LIMS4: variants seen among roughly 807,000 people sequenced by gnomAD.
LIMS4 encodes LIM zinc finger domain containing 4.
the LIMS4 span, among the ~76,000 whole-genome samples, chr2:110,382,135 A>T: frequency 8.4e-6 from 1 of 118,856 alleles, no homozygotes; most frequent in African/African-American, 3.9e-5. Context: ...ATATATATAT[A>T]TATATATATA....
At chr2:110,379,210 GCTT>G in the LIMS4 span, among the ~76,000 whole-genome samples, 2 of 150,814 alleles carry the variant, frequency 1.3e-5, no homozygotes, top group Non-Finnish European at 3.0e-5. Context: ...TTGGTTGGTT[GCTT>G]GCTTGCTTGC....
the LIMS4 span, chr2:110,383,171 G>C: frequency 8.5e-5 from 2 of 23,588 alleles, no homozygotes; most frequent in African/African-American, 6.3e-4. Context: ...CTCTGCTTGA[G>C]ACCCTCAATG....
the LIMS4 span, among the ~76,000 whole-genome samples, chr2:110,391,117 G>A: frequency 6.9e-6 from 1 of 145,352 alleles, no homozygotes; most frequent in African/African-American, 2.6e-5. Context: ...TAGAAAGGGG[G>A]ACAGCGTGGC....
At chr2:110,390,347 A>C in the LIMS4 span, among the ~76,000 whole-genome samples, 1 of 134,266 alleles carries the variant, frequency 7.4e-6, no homozygotes, top group Non-Finnish European at 1.5e-5. Context: ...AGCCGGGGCC[A>C]CCTCCCTGGA....
the LIMS4 span, chr2:110,375,169 AT>A: frequency 1.4e-5 from 1 of 73,448 alleles, no homozygotes; most frequent in East Asian, 4.4e-4. Context: ...AAAAAATTTT[AT>A]TGTGAAAATT....
At chr2:110,365,790 A>G in the LIMS4 span, among the ~76,000 whole-genome samples, 1 of 140,468 alleles carries the variant, frequency 7.1e-6, no homozygotes, top group African/African-American at 2.9e-5. Context: ...TAACTAGACT[A>G]ACAGCAGAAG....
At chr2:110,425,155 C>T in the LIMS4 span, among the ~76,000 whole-genome samples, 1 of 143,616 alleles carries the variant, frequency 7.0e-6, no homozygotes, top group Non-Finnish European at 1.5e-5. Flanking sequence ...GGAACCAACT[C>T]CAGACACAAG....
At chr2:110,418,758 G>A in the LIMS4 span, among the ~76,000 whole-genome samples, 5 of 31,392 alleles carry the variant, frequency 1.6e-4, no homozygotes, top group African/African-American at 7.1e-4. Context: ...AAGCTCAAGC[G>A]ATTCTCCTGC....
the LIMS4 span, among the ~76,000 whole-genome samples, chr2:110,364,025 G>C: frequency 5.8e-5 from 1 of 17,174 alleles, no homozygotes; most frequent in African/African-American, 6.9e-5. Flanking sequence ...AGGAATGGTG[G>C]TATGCGCCTG....
At chr2:110,366,746 A>G in the LIMS4 span, among the ~76,000 whole-genome samples, 1 of 152,122 alleles carries the variant, frequency 6.6e-6, no homozygotes, top group Admixed American at 6.5e-5. Context: ...ACAGGAAGTC[A>G]AACTATCTCT....
chr2:110,365,711 G>GA, the LIMS4 span, among the ~76,000 whole-genome samples: 3 of 133,770 alleles, frequency 2.2e-5, no homozygotes, highest in African/African-American at 9.7e-5. Context: ...AGTGATGCAT[G>GA]AAAAAACATA....
chr2:110,361,867 C>T, the LIMS4 span: 1,046 of 1,166,406 alleles, frequency 9.0e-4, 41 homozygotes, highest in South Asian at 0.011. Flanking sequence ...CAGACTTAAA[C>T]GTCATTGGAC....
chr2:110,424,477 G>A, the LIMS4 span, among the ~76,000 whole-genome samples: 12 of 139,422 alleles, frequency 8.6e-5, 2 homozygotes, highest in Admixed American at 8.6e-4. Flanking sequence ...GTAAGTACTT[G>A]CCGGCCAACT....
the LIMS4 span, among the ~76,000 whole-genome samples, chr2:110,395,761 G>C: frequency 1.0e-5 from 1 of 98,508 alleles, no homozygotes; most frequent in African/African-American, 5.0e-5. Flanking sequence ...CTGCTGTGTG[G>C]GGAGCCAGGG....
chr2:110,424,546 C>T, the LIMS4 span, among the ~76,000 whole-genome samples: 1 of 144,528 alleles, frequency 6.9e-6, no homozygotes, highest in African/African-American at 2.8e-5. Context: ...CAACCAACTT[C>T]ACTGACTCCT....
chr2:110,397,608 C>T, the LIMS4 span: 1 of 93,314 alleles, frequency 1.1e-5, no homozygotes, highest in Non-Finnish European at 2.3e-5. Context: ...CAAAATCCCA[C>T]ATGCACAGTC....
At chr2:110,397,357 C>T in the LIMS4 span, 1 of 146,642 alleles carries the variant, frequency 6.8e-6, no homozygotes, top group African/African-American at 2.6e-5. Flanking sequence ...ATAACAAGTT[C>T]TGTTCATCAC....
the LIMS4 span, among the ~76,000 whole-genome samples, chr2:110,411,511 TG>T: frequency 2.2e-5 from 3 of 136,650 alleles, 1 homozygote; most frequent in Non-Finnish European, 4.5e-5. Flanking sequence ...TTGTCCCCAG[TG>T]ATGCTACAAA....
the LIMS4 span, among the ~76,000 whole-genome samples, chr2:110,392,071 C>T: frequency 3.2e-4 from 48 of 152,028 alleles, no homozygotes; most frequent in South Asian, 8.3e-3. Context: ...ATTGACTTTG[C>T]GAAAATTCAT....
Sources: gnomAD v4.1 joint callset for allele counts (sites outside exome capture counted in the v4.1 genomes callset) on GRCh38, gnomAD v4.1.1 for gene constraint, MANE v1.5 for transcripts, NCBI Gene and HGNC (gene_info 2026-07-23, HGNC 2026-07-21) for gene names.